Variants in MAPK9 observed in about 807,000 individuals in gnomAD.
The protein encoded by MAPK9 is mitogen-activated protein kinase 9, also known as Jun kinase.
In MAPK9, 30 loss-of-function variants were observed where a neutral mutation model predicts 57.1. The observed-to-expected ratio is 0.53, with a 90% CI of 0.39 to 0.71. MAPK9 has a LOEUF of 0.71. Ranked by LOEUF, MAPK9 falls within the 30% of genes least tolerant of loss-of-function variation. MAPK9 has a pLI of 0.00. For synonymous variants in MAPK9, 155 were observed against 177.0 expected (o/e 0.88, Z 0.99); for missense variants, 362 against 521.0 (o/e 0.69, Z 2.97).
intron 2 of MAPK9, among the ~76,000 whole-genome samples, chr5:180,274,433 G>T (rs1471129138): frequency 2.0e-5 from 3 of 152,214 alleles, no homozygotes; most frequent in African/African-American, 7.2e-5. Context: ...TCAGGGAGAT[G>T]TGAGTATGGG....
In MAPK9 at chr5:180,261,957, T is replaced by C; in HGVS notation, c.312-135A>G. The C allele has an allele frequency of 4.6e-6, 3 of 650,756 alleles. No homozygotes were observed. In the South Asian group the frequency reaches 1.3e-4, roughly 29 times the overall value. The allele number at this position is 650,756 out of a possible 1,614,324, so 40.3% of individuals were successfully genotyped here. A position where few individuals can be genotyped will look rare whatever the true frequency, so the allele number is the denominator to read the frequency against. On this transcript the variant is annotated intron_variant, in intron 4 of 11. Coordinates refer to ENST00000452135, the MANE Select transcript of MAPK9 (RefSeq NM_002752.5). ...AAGATAACTTGGTATAATGGAACTT[T>C]CTAAAAATTTTCCAAAGAATATATA...
intron 5 of MAPK9, among the ~76,000 whole-genome samples, chr5:180,257,044 A>C (rs1424702337): frequency 2.0e-5 from 3 of 152,210 alleles, no homozygotes; most frequent in Non-Finnish European, 4.4e-5. Context: ...CTATTTTTAA[A>C]GCAAAGTCAC....
chr5:180,267,635 G>A (rs1760766955), intron 3 of MAPK9, among the ~76,000 whole-genome samples: 1 of 150,306 alleles, frequency 6.7e-6, no homozygotes, highest in African/African-American at 2.5e-5. Context: ...TCAAGCCACA[G>A]ACTCAAAAGA....
At chr5:180,291,731 GGCCCCGCAGCCCCCGGCCC>G (rs1327899604) in intron 1 of MAPK9, 98 bp downstream of exon 1, 1 of 150,106 alleles carries the variant, frequency 6.7e-6, no homozygotes, top group Non-Finnish European at 1.5e-5. Flanking sequence ...CGGCTGCCAG[GGCCCCGCAGCCCCCGGCCC>G]GCCCCGAAGC....
chr5:180,250,579 G>A (rs906648681), intron 5 of MAPK9, among the ~76,000 whole-genome samples: 4 of 152,122 alleles, frequency 2.6e-5, no homozygotes, highest in African/African-American at 9.7e-5. Context: ...GGTTGCAGGC[G>A]GCATGCCTCA....
chr5:180,288,114 T>G (rs948216561), intron 1 of MAPK9, among the ~76,000 whole-genome samples: 1 of 152,156 alleles, frequency 6.6e-6, no homozygotes, highest in Non-Finnish European at 1.5e-5. Context: ...ACAGCCCACT[T>G]AGGAAGGCAT....
chr5:180,272,343 A>G (rs938821471), intron 2 of MAPK9, among the ~76,000 whole-genome samples: 1 of 152,208 alleles, frequency 6.6e-6, no homozygotes, highest in East Asian at 1.9e-4. Flanking sequence ...AGAACTTTGA[A>G]GGCACTTTTC....
At chr5:180,288,606 A>T (rs752855178) in intron 1 of MAPK9, among the ~76,000 whole-genome samples, 2 of 152,216 alleles carry the variant, frequency 1.3e-5, no homozygotes, top group Non-Finnish European at 2.9e-5. Context: ...TCGCTTCTGC[A>T]CATCACCCAG....
intron 1 of MAPK9, among the ~76,000 whole-genome samples, chr5:180,286,478 T>G (rs962936665): frequency 6.6e-6 from 1 of 151,752 alleles, no homozygotes; most frequent in African/African-American, 2.4e-5. Flanking sequence ...TAGCTTGGTA[T>G]AACAACGTAA....
At chr5:180,262,853 C>A (rs899105310) in intron 4 of MAPK9, 4 of 152,368 alleles carry the variant, frequency 2.6e-5, no homozygotes, top group African/African-American at 9.6e-5. Flanking sequence ...ACTGGCCAGT[C>A]CTATAATCCC....
chr5:180,286,630 T>C (rs1762793643), intron 1 of MAPK9, among the ~76,000 whole-genome samples: 1 of 149,470 alleles, frequency 6.7e-6, no homozygotes, highest in Admixed American at 6.9e-5. Context: ...CCTGCAAGGA[T>C]CTCCGTCACC....
intron 5 of MAPK9, among the ~76,000 whole-genome samples, chr5:180,260,314 T>TCTA (rs1432070936): frequency 6.6e-6 from 1 of 152,236 alleles, no homozygotes; most frequent in Non-Finnish European, 1.5e-5. Flanking sequence ...GTATTCTGTA[T>TCTA]CTAAACCCTA....
intron 5 of MAPK9, among the ~76,000 whole-genome samples, chr5:180,257,429 C>T (rs1253434096): frequency 2.6e-5 from 4 of 152,234 alleles, no homozygotes; most frequent in African/African-American, 9.6e-5. Flanking sequence ...AAGATGACCT[C>T]TTGCTGTTGG....
rs1202889871 is a variant in MAPK9 at position 180,233,543 on chromosome 5, G to A, written c.*2841C>T. The A allele has an allele frequency of 6.6e-6, 1 of 152,182 alleles. No homozygotes were observed. The highest frequency in any genetic ancestry group is 1.5e-5 in the Non-Finnish European group (1 of 68,032). The allele number at this position is 152,182 out of a possible 1,614,324, so 9.4% of individuals were successfully genotyped here. ...ATCTGTCATCAGAGATGGTGATGGA[G>A]AAATATCTAATTGCCATGTAAAAAC... On this transcript the variant is annotated 3_prime_UTR_variant, in exon 12 of 12. Transcript: ENST00000452135.
At chr5:180,269,233 T>C in intron 3 of MAPK9, 47 bp downstream of exon 3, 1 of 1,580,016 alleles carries the variant, frequency 6.3e-7, no homozygotes, top group East Asian at 2.2e-5. Context: ...GATTACCACA[T>C]TATTGACAAT....
chr5:180,242,325 G>GT (rs1328167122), intron 8 of MAPK9, among the ~76,000 whole-genome samples: 1 of 152,152 alleles, frequency 6.6e-6, no homozygotes, highest in Non-Finnish European at 1.5e-5. Context: ...TGCTGTAACT[G>GT]TAACATAAGA....
intron 1 of MAPK9, chr5:180,287,086 A>G (rs1210129553): frequency 6.6e-6 from 1 of 152,248 alleles, no homozygotes; most frequent in Non-Finnish European, 1.5e-5. Context: ...ACAAAAGTAT[A>G]GAGATGCAGA....
At chr5:180,240,072 TTCTAG>T (rs752107591) in intron 9 of MAPK9, 85 bp from the exon 10 acceptor site, 2 of 963,514 alleles carry the variant, frequency 2.1e-6, no homozygotes, top group South Asian at 2.7e-5. Flanking sequence ...CTTGGAAGAC[TTCTAG>T]TCTATTTATG....
intron 8 of MAPK9, among the ~76,000 whole-genome samples, chr5:180,241,598 C>T (rs1757666126): frequency 6.6e-6 from 1 of 152,250 alleles, no homozygotes; most frequent in Non-Finnish European, 1.5e-5. Flanking sequence ...CGCACCCAGC[C>T]ATAACCCAAA....
Sources: allele counts gnomAD v4.1 joint callset (sites outside exome capture counted in the v4.1 genomes callset), GRCh38; gene constraint gnomAD v4.1.1; transcripts MANE v1.5; gene names NCBI Gene and HGNC (gene_info 2026-07-23, HGNC 2026-07-21).